RPH3AL: variants seen among roughly 807,000 people sequenced by gnomAD.
RPH3AL encodes rabphilin 3A like (without C2 domains), also known as rab effector Noc2.
A neutral mutation model predicts 43.1 loss-of-function variants in RPH3AL; 38 were observed. That is an observed-to-expected ratio of 0.88 (90% CI 0.68 to 1.15). The LOEUF (loss-of-function observed/expected upper bound fraction) is 1.15, where lower values mean the gene tolerates loss of function less well. RPH3AL is among the 50% of genes most tolerant of loss of function. The probability of loss-of-function intolerance (pLI) is 0.00; values close to 1 mark genes in which losing one functional copy is unlikely to be tolerated. For missense variants in RPH3AL, 462 were observed against 423.2 expected (o/e 1.09, Z -0.81); for synonymous variants, 189 against 176.3 (o/e 1.07, Z -0.57).
chr17:272,929 G>A (rs142134269), intron 6 of RPH3AL, among the ~76,000 whole-genome samples: 2 of 148,584 alleles, frequency 1.3e-5, no homozygotes, highest in Non-Finnish European at 3.0e-5. Flanking sequence ...CAGCAAGGGC[G>A]ACATCAGGGA....
At chr17:266,272 C>A (rs1424091407) in intron 6 of RPH3AL, among the ~76,000 whole-genome samples, 1 of 151,722 alleles carries the variant, frequency 6.6e-6, no homozygotes, top group African/African-American at 2.4e-5. Flanking sequence ...GAGAAAGCCC[C>A]CATCATCCCT....
intron 5 of RPH3AL, among the ~76,000 whole-genome samples, chr17:317,426 T>C (rs1302214504): frequency 1.4e-5 from 2 of 143,752 alleles, no homozygotes; most frequent in Non-Finnish European, 3.0e-5. Context: ...GCTCCACACC[T>C]CCATTGACCT....
At chr17:316,280 A>C (rs758911733) in intron 5 of RPH3AL, among the ~76,000 whole-genome samples, 1 of 58,968 alleles carries the variant, frequency 1.7e-5, no homozygotes, top group African/African-American at 5.2e-5. Context: ...ATCTCCAGTG[A>C]TGCGTAGTCT....
intron 5 of RPH3AL, among the ~76,000 whole-genome samples, chr17:305,838 T>C (rs116866268): frequency 0.021 from 3,158 of 149,556 alleles, 52 homozygotes; most frequent in South Asian, 0.042. Context: ...AGCCCCTTTC[T>C]TCCTTCCCTC....
At chr17:247,080 C>T in intron 7 of RPH3AL, 31 bp downstream of exon 7, 1 of 1,613,170 alleles carries the variant, frequency 6.2e-7, no homozygotes, top group Non-Finnish European at 8.5e-7. Context: ...ACTTTACAGG[C>T]CATCCTGGGA....
Position 323,775 on chromosome 17 carries a change from C to T in RPH3AL, c.78-2360G>A, listed in dbSNP as rs1055821808. Among the ~76,000 whole-genome samples, 2 of 152,156 alleles carry T rather than the reference C, an allele frequency of 1.3e-5. No individual in the cohort carries two copies. Among genetic ancestry groups the T allele is most frequent in the African/African-American group, 2.4e-5 (1 of 41,412 alleles). On this transcript the variant is annotated intron_variant, in intron 3 of 9. Transcript: ENST00000331302. This position sits in a 1 kb window ranked among gnomAD's most constrained non-coding sequence, Gnocchi z 4.4. The stretch of plus-strand genomic sequence containing the variant: ...ACAGGACACTACAGATGTCTTCCAT[C>T]GGACCCTCACAGTCACCCCGAGGCA...
At chr17:258,431 A>C (rs2042116963) in intron 6 of RPH3AL, among the ~76,000 whole-genome samples, 3 of 152,216 alleles carry the variant, frequency 2.0e-5, no homozygotes, top group Admixed American at 6.5e-5. Flanking sequence ...GTAATTAATC[A>C]AACGGACTTC....
chr17:304,983 G>GA (rs1210247532), intron 5 of RPH3AL, among the ~76,000 whole-genome samples: 1 of 34,086 alleles, frequency 2.9e-5, no homozygotes, highest in East Asian at 1.1e-3. Context: ...CAGGGCGGGA[G>GA]GGGGACAGGG....
At chr17:300,266 C>G (rs2043295112) in intron 5 of RPH3AL, among the ~76,000 whole-genome samples, 1 of 91,542 alleles carries the variant, frequency 1.1e-5, no homozygotes, top group Non-Finnish European at 2.2e-5. Context: ...CTCTTACCCG[C>G]TCTAGCAGGG....
chr17:267,997 A>T (rs1597975464), intron 6 of RPH3AL, among the ~76,000 whole-genome samples: 1 of 152,180 alleles, frequency 6.6e-6, no homozygotes, highest in East Asian at 1.9e-4. Flanking sequence ...AAGCTCCCGT[A>T]AACCCACCCT....
At chr17:293,051 A>G (rs908641835) in intron 5 of RPH3AL, among the ~76,000 whole-genome samples, 2 of 152,150 alleles carry the variant, frequency 1.3e-5, no homozygotes, top group Non-Finnish European at 2.9e-5. Context: ...CCAGCCACTC[A>G]GGGCCGAGCC....
rs767406918 is a variant in RPH3AL, at chr17:328,342, G to A, written c.-36-763C>T. The stretch of plus-strand genomic sequence containing the variant: ...GTGCATTCTGAAGGGAGTGTGGGAT[G>A]AGGCCGAGGGTATCTGAATCCCAGA... On this transcript the variant is annotated intron_variant, in intron 2 of 9. Transcript: ENST00000331302. The surrounding 1 kb of genome is among the most constrained non-coding windows in gnomAD (Gnocchi z 4.2). Among the ~76,000 whole-genome samples, 1 of 151,828 alleles carries A rather than the reference G, an allele frequency of 6.6e-6. No homozygotes were observed. The highest frequency in any genetic ancestry group is 1.5e-5 in the Non-Finnish European group (1 of 67,986).
chr17:327,828 A>G (rs192453805), intron 2 of RPH3AL, among the ~76,000 whole-genome samples: 2 of 152,284 alleles, frequency 1.3e-5, no homozygotes, highest in East Asian at 3.9e-4. Context: ...AGTGAACATG[A>G]CTGGCAGGGC....
Position 213,943 on chromosome 17 carries a change from C to T in RPH3AL, c.877-20G>A. On this transcript the variant is annotated intron_variant, in intron 9 of 9. Transcript: ENST00000331302. ...TTTTACCTTTGGATGAGAGAAAAGGCCACCACATGGTGAGCAGCGGTGGAG... is the reference window on the plus strand; with the variant it reads ...TTTTACCTTTGGATGAGAGAAAAGGTCACCACATGGTGAGCAGCGGTGGAG... 3 of 1,601,822 alleles carry T rather than the reference C, an allele frequency of 1.9e-6. No individual in the cohort carries two copies. Among genetic ancestry groups the T allele is most frequent in the Non-Finnish European group, 2.6e-6 (3 of 1,170,882 alleles).
chr17:252,256 C>T (rs782053314), intron 6 of RPH3AL, among the ~76,000 whole-genome samples: 19 of 152,168 alleles, frequency 1.2e-4, no homozygotes, highest in African/African-American at 4.1e-4. Flanking sequence ...ATTACAAACA[C>T]GAGCCACCAC....
chr17:222,330 C>T (rs561731011), intron 7 of RPH3AL, among the ~76,000 whole-genome samples: 4 of 152,234 alleles, frequency 2.6e-5, no homozygotes, highest in Non-Finnish European at 4.4e-5. Flanking sequence ...GTGGCTCCTG[C>T]TCACAACCCT....
At chr17:267,572 A>G (rs1257518421) in intron 6 of RPH3AL, among the ~76,000 whole-genome samples, 3 of 152,188 alleles carry the variant, frequency 2.0e-5, no homozygotes, top group Non-Finnish European at 4.4e-5. Flanking sequence ...GCTGACCCCA[A>G]TCGGCAGGGC....
chr17:334,188 G>T, intron 1 of RPH3AL: 1 of 156,306 alleles, frequency 6.4e-6, no homozygotes, highest in Admixed American at 6.3e-5. Context: ...CCCCGTACAG[G>T]CTAGGAAGCA....
intron 6 of RPH3AL, among the ~76,000 whole-genome samples, chr17:258,404 G>A (rs569095256): frequency 6.6e-6 from 1 of 152,306 alleles, no homozygotes; most frequent in East Asian, 1.9e-4. Flanking sequence ...AAGCCTGGGT[G>A]TTTCACTCAA....
Sources: allele counts gnomAD v4.1 joint callset (sites outside exome capture counted in the v4.1 genomes callset), GRCh38; gene constraint gnomAD v4.1.1; non-coding constraint Gnocchi (gnomAD v3.1); transcripts MANE v1.5; gene names NCBI Gene and HGNC (gene_info 2026-07-23, HGNC 2026-07-21).